Variants in UBA6 observed in about 807,000 individuals in gnomAD.
The protein encoded by UBA6 is ubiquitin like modifier activating enzyme 6.
Under a neutral mutation model 148.3 loss-of-function variants are expected in UBA6, and 87 were observed. The ratio of observed to expected loss-of-function variants is 0.59; its 90% confidence interval spans 0.49 to 0.70. The LOEUF (loss-of-function observed/expected upper bound fraction) is 0.70, where lower values mean the gene tolerates loss of function less well. Ranked by LOEUF, UBA6 falls within the 30% of genes least tolerant of loss-of-function variation. UBA6 has a pLI of 0.00. For missense variants in UBA6, 1,186 were observed against 1,241.2 expected, an observed-to-expected ratio of 0.96 and a Z score of 0.67; for synonymous variants, 376 against 401.0, an observed-to-expected ratio of 0.94 and a Z score of 0.75.
intron 3 of UBA6, 92 bp from the exon 4 acceptor site, chr4:67,681,683 C>T (rs1355304171): frequency 5.0e-6 from 4 of 801,274 alleles, no homozygotes; most frequent in Non-Finnish European, 7.8e-6. Context: ...TGACTGCATA[C>T]TTTTAACTTC....
chr4:67,650,367 A>C (rs1729524319), intron 13 of UBA6, among the ~76,000 whole-genome samples: 1 of 152,162 alleles, frequency 6.6e-6, no homozygotes, highest in African/African-American at 2.4e-5. Context: ...GGACCGAAAA[A>C]GTCCAACTTT....
rs1047633037 is a variant in UBA6, at chr4:67,662,191, T to C, written c.1102A>G (p.Lys368Glu). The C allele has an allele frequency of 1.9e-6, 3 of 1,613,420 alleles. No individual in the cohort carries two copies. The African/African-American group carries it at 4.0e-5, about 22-fold the overall frequency. Residue 368 changes from lysine (K) to glutamate (E), a missense_variant and splice_region_variant, in exon 13 of 33, where the codon AAG (lysine) becomes GAG (glutamate). By Grantham distance (56) the Lys-to-Glu change is moderately conservative. Transcript: ENST00000322244. ...ATSISETLEE[K>E]PDVNADIVHW... ...CAGCCATAAATTTCAATAGTCACCT[T>C]CTCTTCCAAGGTTTCACTTATAGAT...
At chr4:67,630,583 G>T in intron 25 of UBA6, 48 bp from the exon 26 acceptor site, 1 of 1,251,952 alleles carries the variant, frequency 8.0e-7, no homozygotes, top group Non-Finnish European at 1.1e-6. Flanking sequence ...CAGTTTTAAA[G>T]ACGATATTTA....
chr4:67,626,327 G>T, intron 28 of UBA6, 33 bp downstream of exon 28: 1 of 1,420,346 alleles, frequency 7.0e-7, no homozygotes, highest in East Asian at 2.3e-5. Flanking sequence ...AACTCATCCA[G>T]TTCAAAACAT....
chr4:67,638,383 C>A, intron 19 of UBA6: 1 of 161,712 alleles, frequency 6.2e-6, no homozygotes, highest in South Asian at 1.7e-4. Context: ...TGTCCACCCC[C>A]GTGCCCTTCG....
chr4:67,681,628 G>A, intron 3 of UBA6, 37 bp from the exon 4 acceptor site: 1 of 1,478,124 alleles, frequency 6.8e-7, no homozygotes, highest in Non-Finnish European at 9.2e-7. Context: ...GCTCAATATT[G>A]GGAATACACA....
chr4:67,649,022 T>G, intron 14 of UBA6, 46 bp downstream of exon 14: 1 of 1,588,530 alleles, frequency 6.3e-7, no homozygotes, highest in South Asian at 1.2e-5. Context: ...TGTAACACAT[T>G]CCATTTCACG....
intron 27 of UBA6, among the ~76,000 whole-genome samples, chr4:67,628,598 T>C (rs1421987666): frequency 6.6e-6 from 1 of 151,922 alleles, no homozygotes; most frequent in Admixed American, 6.6e-5. Context: ...ATGTACTTAT[T>C]AGCATTTTTG....
At chr4:67,624,590 TA>T (rs1282746475) in intron 29 of UBA6, among the ~76,000 whole-genome samples, 2 of 152,078 alleles carry the variant, frequency 1.3e-5, no homozygotes, top group African/African-American at 4.8e-5. Flanking sequence ...CATAGCTTCA[TA>T]GATAATTACA....
intron 10 of UBA6, 117 bp from the exon 11 acceptor site, chr4:67,664,064 G>T: frequency 1.4e-6 from 1 of 693,252 alleles, no homozygotes; most frequent in Non-Finnish European, 2.4e-6. Context: ...CTGAAATAAA[G>T]TAGGGTTGGG....
chr4:67,677,060 A>G (rs1730298702), intron 6 of UBA6, among the ~76,000 whole-genome samples: 1 of 152,218 alleles, frequency 6.6e-6, no homozygotes, highest in African/African-American at 2.4e-5. Context: ...CCATGGCTTT[A>G]GGAAGAGTAC....
rs990539572 is a variant in UBA6, at chr4:67,685,462, G to A, written c.135-3249C>T. Among the ~76,000 whole-genome samples, 4 of 152,254 alleles carry A rather than the reference G, an allele frequency of 2.6e-5. No homozygotes were observed. The East Asian group carries it at 7.7e-4, about 29-fold the overall frequency. ...AGGATGAATCATACCCAATTTAGAT[G>A]AGACTGGACTTTTTTGAGTTGATGT... On this transcript the variant is annotated intron_variant, in intron 2 of 32. Coordinates refer to ENST00000322244, the MANE Select transcript of UBA6 (RefSeq NM_018227.6).
At chr4:67,643,158 T>C (rs1047599235) in intron 17 of UBA6, among the ~76,000 whole-genome samples, 1 of 151,798 alleles carries the variant, frequency 6.6e-6, no homozygotes, top group Non-Finnish European at 1.5e-5. Flanking sequence ...TATATGTAAC[T>C]AACCTGCACA....
chr4:67,644,237 T>C (rs572790292), intron 17 of UBA6, among the ~76,000 whole-genome samples: 4 of 152,240 alleles, frequency 2.6e-5, no homozygotes, highest in East Asian at 1.9e-4. Flanking sequence ...AGAATTTAAA[T>C]TGTACACTGA....
chr4:67,624,347 C>A, intron 29 of UBA6, 94 bp from the exon 30 acceptor site: 2 of 1,209,074 alleles, frequency 1.7e-6, no homozygotes, highest in Non-Finnish European at 2.3e-6. Flanking sequence ...TCAAGCATTT[C>A]TCTGTGGATA....
chr4:67,679,619 A>G (rs1466054031), intron 4 of UBA6, among the ~76,000 whole-genome samples: 1 of 152,114 alleles, frequency 6.6e-6, no homozygotes, highest in African/African-American at 2.4e-5. Context: ...ACTATGCCAT[A>G]CAAGTAAAAT....
chr4:67,700,839 G>A (rs1283947539), intron 1 of UBA6, among the ~76,000 whole-genome samples: 3 of 152,152 alleles, frequency 2.0e-5, no homozygotes, highest in Non-Finnish European at 4.4e-5. Context: ...GTGCGGAAAG[G>A]GGACTTTTCC....
intron 2 of UBA6, among the ~76,000 whole-genome samples, chr4:67,692,960 C>A (rs1482946328): frequency 6.6e-6 from 1 of 152,150 alleles, no homozygotes; most frequent in Non-Finnish European, 1.5e-5. Flanking sequence ...ATGGACCCTT[C>A]TACAACAGGG....
At chr4:67,685,849 A>G (rs1730544544) in intron 2 of UBA6, among the ~76,000 whole-genome samples, 1 of 152,122 alleles carries the variant, frequency 6.6e-6, no homozygotes, top group South Asian at 2.1e-4. Flanking sequence ...CTCACCAGAT[A>G]TGACCCCTTG....
Sources: allele counts gnomAD v4.1 joint callset (sites outside exome capture counted in the v4.1 genomes callset), GRCh38; gene constraint gnomAD v4.1.1; transcripts MANE v1.5; gene names NCBI Gene and HGNC (gene_info 2026-07-23, HGNC 2026-07-21).